Variants in PLEKHH2 observed in about 807,000 individuals in gnomAD.
PLEKHH2 encodes the protein pleckstrin homology domain-containing family H member 2.
In PLEKHH2, 129 loss-of-function variants were observed where a neutral mutation model predicts 187.9. The ratio of observed to expected loss-of-function variants is 0.69; its 90% CI spans 0.59 to 0.79. PLEKHH2 has a LOEUF of 0.79. Ranked by LOEUF, PLEKHH2 falls within the 30% of genes least tolerant of loss-of-function variation. The probability of loss-of-function intolerance (pLI) is 0.00; values close to 1 mark genes in which losing one functional copy is unlikely to be tolerated. For synonymous variants in PLEKHH2, 686 were observed against 605.6 expected (o/e 1.13, Z -1.95); for missense variants, 2,076 against 1,751.2 (o/e 1.19, Z -3.31).
At chr2:43,762,418 T>G in intron 28 of PLEKHH2, 28 bp downstream of exon 28, 1 of 1,510,314 alleles carries the variant, frequency 6.6e-7, no homozygotes, top group Non-Finnish European at 9.2e-7. Context: ...AGTTTTGCAT[T>G]AAGTCAACTG....
chr2:43,694,399 T>G (rs1558504217), intron 4 of PLEKHH2, 32 bp from the exon 5 acceptor site: 1 of 1,534,384 alleles, frequency 6.5e-7, no homozygotes, highest in African/African-American at 1.4e-5. Context: ...GAGTTTATGT[T>G]TGAACTAAAC....
intron 2 of PLEKHH2, among the ~76,000 whole-genome samples, chr2:43,659,802 GC>G (rs1256901616): frequency 2.0e-5 from 3 of 151,822 alleles, no homozygotes; most frequent in Admixed American, 2.0e-4. Context: ...CAAGTGATCC[GC>G]CTGCCTTGTC....
At chr2:43,654,297 C>T (rs529090157) in intron 2 of PLEKHH2, among the ~76,000 whole-genome samples, 36 of 152,142 alleles carry the variant, frequency 2.4e-4, no homozygotes, top group Admixed American at 1.2e-3. Flanking sequence ...CCGGTTCAAG[C>T]GAGTCTCCTG....
chr2:43,732,126 G>A (rs1572634852), intron 19 of PLEKHH2, among the ~76,000 whole-genome samples: 2 of 152,272 alleles, frequency 1.3e-5, no homozygotes, highest in Admixed American at 1.3e-4. Flanking sequence ...CACTTTGGGA[G>A]GCCGAGGAGG....
intron 8 of PLEKHH2, among the ~76,000 whole-genome samples, chr2:43,702,475 G>T (rs1358278380): frequency 6.9e-6 from 1 of 144,806 alleles, no homozygotes. Flanking sequence ...GAGATTTTCA[G>T]AGATTTAGGT....
chr2:43,641,578 G>A (rs550422862), intron 1 of PLEKHH2, among the ~76,000 whole-genome samples: 82 of 151,936 alleles, frequency 5.4e-4, no homozygotes, highest in Non-Finnish European at 9.0e-4. Context: ...TTCTTCTAAC[G>A]TGGCCCAAGG....
intron 20 of PLEKHH2, chr2:43,740,731 T>C: frequency 3.9e-6 from 3 of 761,282 alleles, no homozygotes; most frequent in Non-Finnish European, 5.2e-6. Flanking sequence ...CAGTTGTAGA[T>C]AACCATACAC....
intron 2 of PLEKHH2, among the ~76,000 whole-genome samples, chr2:43,654,099 T>A (rs1333916731): frequency 3.9e-5 from 6 of 152,232 alleles, no homozygotes; most frequent in African/African-American, 1.4e-4. Context: ...AGAAGCATGT[T>A]ACTTAAAACA....
At chr2:43,741,075 A>T in intron 21 of PLEKHH2, 32 bp downstream of exon 21, 1 of 1,556,310 alleles carries the variant, frequency 6.4e-7, no homozygotes, top group African/African-American at 1.4e-5. Context: ...TGAACTGTTT[A>T]TGTGGCCTCT....
chr2:43,667,458 C>G (rs1667271800), intron 2 of PLEKHH2, among the ~76,000 whole-genome samples: 1 of 152,100 alleles, frequency 6.6e-6, no homozygotes, highest in South Asian at 2.1e-4. Context: ...AGAAAATGGA[C>G]AAGTCCACAC....
intron 6 of PLEKHH2, among the ~76,000 whole-genome samples, chr2:43,696,424 GC>G (rs1304971698): frequency 6.6e-6 from 1 of 150,526 alleles, no homozygotes; most frequent in Non-Finnish European, 1.5e-5. Context: ...GGAGTTTGGG[GC>G]TGCAGTGAGC....
intron 2 of PLEKHH2, chr2:43,676,156 G>A (rs1437881063): frequency 6.2e-7 from 1 of 1,614,030 alleles, no homozygotes. Flanking sequence ...CACTTTTGAA[G>A]TGTTTAAGAA....
At position 43,712,418 on chromosome 2, in the gene PLEKHH2, A is replaced by G. The variant is rs201129879; in HGVS notation, c.2460+35A>G. 3.8e-5 allele frequency: 61 copies of G among 1,594,986 alleles called. No individual in the cohort carries two copies. The South Asian group carries it at 6.3e-4, about 17-fold the overall frequency. ...TCCTGTGCATAGCAATGTCCCAGGC[A>G]GCTATGGGCATGAGCCCATGATCGC... On this transcript the variant is annotated intron_variant, in intron 15 of 29. Transcript: ENST00000282406.
chr2:43,753,539 C>G, intron 24 of PLEKHH2, 80 bp from the exon 25 acceptor site: 2 of 1,196,578 alleles, frequency 1.7e-6, no homozygotes, highest in Non-Finnish European at 1.1e-6. Context: ...ACAACCCCAT[C>G]TCAGTCCTCT....
At chr2:43,657,999 C>A (rs1341567122) in intron 2 of PLEKHH2, among the ~76,000 whole-genome samples, 2 of 152,222 alleles carry the variant, frequency 1.3e-5, no homozygotes, top group African/African-American at 4.8e-5. Context: ...AAAGTTAACA[C>A]AATATCATTT....
rs1399534113 is a variant in PLEKHH2, at chr2:43,757,186, T to C, written c.3863T>C (p.Val1288Ala). ...GGGCATGTTACCAATCAGTGCAAAGTGAATCAAACTCTAAAGCAAGTCATA... is the reference window on the plus strand; with the variant it reads ...GGGCATGTTACCAATCAGTGCAAAGCGAATCAAACTCTAAAGCAAGTCATA... ...PAGHVTNQCK[V>A]NQTLKQVIEK... The change falls in exon 26 of 30, where the codon GTG becomes GCG. Residue 1288 changes from valine to alanine, a missense_variant. Physicochemically the swap from Val to Ala is moderately conservative, Grantham distance 64 (BLOSUM62 0). Coordinates refer to ENST00000282406, the MANE Select transcript of PLEKHH2 (RefSeq NM_172069.4). The C allele has an allele frequency of 3.7e-6, 6 of 1,605,568 alleles. No homozygotes were observed. In the South Asian group the frequency reaches 6.7e-5, roughly 18 times the overall value.
In PLEKHH2 at chr2:43,764,235, T is replaced by C. The variant is rs1363307207; in HGVS notation, c.4166T>C (p.Ile1389Thr). Reference protein sequence around the residue: ...SLLEYNSMRLIVSYVYKSLMT... With the variant: ...SLLEYNSMRLTVSYVYKSLMT... Reference sequence around the variant, plus strand: ...TTTTTCTTATCTTTAAAGAGGTTAATAGTCAGCTATGTGTACAAGAGTCTA... The same window carrying C: ...TTTTTCTTATCTTTAAAGAGGTTAACAGTCAGCTATGTGTACAAGAGTCTA... The change falls in exon 29 of 30, where the codon ATA becomes ACA. Residue 1389 changes from isoleucine (I) to threonine (T), a missense_variant. Coordinates refer to ENST00000282406, the MANE Select transcript of PLEKHH2 (RefSeq NM_172069.4). 1.3e-6 allele frequency: 2 copies of C among 1,491,218 alleles called. No homozygotes were observed. Among genetic ancestry groups the C allele is most frequent in the Non-Finnish European group, 1.8e-6 (2 of 1,116,252 alleles). The allele number at this position is 1,491,218 out of a possible 1,614,324, so 92.4% of individuals were successfully genotyped here. A position where few individuals can be genotyped will look rare whatever the true frequency, so the allele number is the denominator to read the frequency against.
At chr2:43,671,503 C>T (rs952172510) in intron 2 of PLEKHH2, among the ~76,000 whole-genome samples, 1 of 152,094 alleles carries the variant, frequency 6.6e-6, no homozygotes, top group African/African-American at 2.4e-5. Context: ...TTAGCACCTG[C>T]AGTAAAACCT....
intron 19 of PLEKHH2, among the ~76,000 whole-genome samples, chr2:43,733,095 GCTCACGCCTGTAAT>G (rs1024117422): frequency 6.6e-6 from 1 of 152,188 alleles, no homozygotes; most frequent in Non-Finnish European, 1.5e-5. Flanking sequence ...GGGCGCAGTG[GCTCACGCCTGTAAT>G]CCCAGCACTT....
Sources: allele counts gnomAD v4.1 joint callset (sites outside exome capture counted in the v4.1 genomes callset), GRCh38; gene constraint gnomAD v4.1.1; transcripts MANE v1.5; gene names NCBI Gene and HGNC (gene_info 2026-07-23, HGNC 2026-07-21).